Variants in RFX8 observed in about 807,000 individuals in gnomAD.
RFX8 encodes DNA-binding protein RFX8.
A neutral mutation model predicts 54.6 loss-of-function variants in RFX8; 46 were observed. The observed-to-expected ratio is 0.84, with a 90% CI of 0.67 to 1.08. RFX8 has a LOEUF of 1.08. RFX8 is among the 50% of genes least tolerant of loss of function. The pLI is 0.00. For synonymous variants in RFX8, 192 were observed against 209.5 expected (o/e 0.92, Z 0.72); for missense variants, 536 against 562.3 (o/e 0.95, Z 0.47).
chr2:101,437,059 C>G (rs2310112), intron 2 of RFX8, among the ~76,000 whole-genome samples: 1 of 151,876 alleles, frequency 6.6e-6, no homozygotes, highest in East Asian at 1.9e-4. Context: ...GTCATGATGT[C>G]TTTTCCTGAA....
intron 2 of RFX8, among the ~76,000 whole-genome samples, chr2:101,431,926 G>T (rs1170471576): frequency 2.0e-5 from 3 of 152,132 alleles, no homozygotes; most frequent in Admixed American, 2.0e-4. Context: ...GTAGGGGCCT[G>T]TGTATAGCAG....
At chr2:101,457,120 C>A (rs560678811) in intron 2 of RFX8, among the ~76,000 whole-genome samples, 14 of 152,060 alleles carry the variant, frequency 9.2e-5, no homozygotes, top group African/African-American at 3.1e-4. Flanking sequence ...GTCTTGCTAG[C>A]GGTCTATCAA....
chr2:101,433,898 C>A (rs867983378), intron 2 of RFX8, among the ~76,000 whole-genome samples: 3 of 152,126 alleles, frequency 2.0e-5, no homozygotes, highest in Non-Finnish European at 4.4e-5. Context: ...ATATCTTTGA[C>A]TTGATGAATA....
intron 2 of RFX8, among the ~76,000 whole-genome samples, chr2:101,464,992 C>T (rs911946211): frequency 6.6e-6 from 1 of 152,160 alleles, no homozygotes; most frequent in African/African-American, 2.4e-5. Flanking sequence ...GCACTCAGCT[C>T]AGCCTTGGAT....
intron 2 of RFX8, among the ~76,000 whole-genome samples, chr2:101,448,856 C>T (rs753861730): frequency 7.9e-5 from 12 of 152,202 alleles, no homozygotes; most frequent in Non-Finnish European, 1.3e-4. Context: ...TTGTCCTTGG[C>T]TATTTGGACA....
intron 2 of RFX8, among the ~76,000 whole-genome samples, chr2:101,424,324 T>C (rs553187912): frequency 3.1e-4 from 47 of 152,292 alleles, no homozygotes; most frequent in African/African-American, 9.4e-4. Flanking sequence ...TGAGATATCA[T>C]CTCACACCAG....
intron 2 of RFX8, among the ~76,000 whole-genome samples, chr2:101,458,628 T>C (rs1227700726): frequency 6.6e-6 from 1 of 152,222 alleles, no homozygotes; most frequent in African/African-American, 2.4e-5. Flanking sequence ...CCTTTCTCTC[T>C]GTCTGCCCTT....
chr2:101,461,125 CG>C, intron 2 of RFX8, among the ~76,000 whole-genome samples: 1 of 151,352 alleles, frequency 6.6e-6, no homozygotes, highest in East Asian at 2.0e-4. Context: ...AAAAAATTGC[CG>C]GGCATGGTAG....
intron 2 of RFX8, among the ~76,000 whole-genome samples, chr2:101,431,631 ACT>A (rs1257624068): frequency 2.6e-5 from 4 of 152,090 alleles, no homozygotes; most frequent in Non-Finnish European, 5.9e-5. Flanking sequence ...GACAAGGAAA[ACT>A]CTCAACTTTA....
intron 2 of RFX8, among the ~76,000 whole-genome samples, chr2:101,463,476 G>A (rs1689399343): frequency 6.6e-6 from 1 of 152,176 alleles, no homozygotes; most frequent in Non-Finnish European, 1.5e-5. Flanking sequence ...CTCTGTGCAG[G>A]CTGAGAATGG....
intron 2 of RFX8, among the ~76,000 whole-genome samples, chr2:101,425,409 C>G (rs991776717): frequency 6.6e-6 from 1 of 152,174 alleles, no homozygotes; most frequent in African/African-American, 2.4e-5. Flanking sequence ...CCCTACTGAG[C>G]CTTCTGCATG....
intron 2 of RFX8, among the ~76,000 whole-genome samples, chr2:101,441,294 T>C (rs1482647156): frequency 1.3e-5 from 2 of 152,198 alleles, no homozygotes; most frequent in Non-Finnish European, 2.9e-5. Flanking sequence ...TAATCCTCAA[T>C]GTGGCAGTAT....
At chr2:101,427,978 C>A (rs534502845) in intron 2 of RFX8, among the ~76,000 whole-genome samples, 39 of 152,246 alleles carry the variant, frequency 2.6e-4, no homozygotes, top group African/African-American at 9.4e-4. Flanking sequence ...TCCCCCCCGC[C>A]CCCCGCAGGG....
chr2:101,470,303 G>T (rs61426431), intron 1 of RFX8, among the ~76,000 whole-genome samples: 16,768 of 152,168 alleles, frequency 0.11, 1,159 homozygotes, highest in East Asian at 0.19. Flanking sequence ...AATCTGGAAT[G>T]GAAGCAAGAA....
At chr2:101,410,142 C>T (rs1013004798) in intron 9 of RFX8, among the ~76,000 whole-genome samples, 6 of 152,036 alleles carry the variant, frequency 3.9e-5, no homozygotes, top group South Asian at 2.1e-4. Context: ...CACCTGCAGA[C>T]GCAGTCACCC....
chr2:101,470,749 T>C (rs1393681415), intron 1 of RFX8, among the ~76,000 whole-genome samples: 1 of 133,222 alleles, frequency 7.5e-6, no homozygotes, highest in East Asian at 2.4e-4. Context: ...AGATGGAGTC[T>C]CACTCTGTCA....
intron 7 of RFX8, among the ~76,000 whole-genome samples, chr2:101,413,923 G>T (rs1258649048): frequency 1.3e-5 from 2 of 152,178 alleles, no homozygotes; most frequent in Non-Finnish European, 2.9e-5. Flanking sequence ...GGAAGCCACA[G>T]TTGGGATCCT....
At chr2:101,448,857 T>C (rs1272623082) in intron 2 of RFX8, among the ~76,000 whole-genome samples, 3 of 152,368 alleles carry the variant, frequency 2.0e-5, no homozygotes, top group Non-Finnish European at 2.9e-5. Flanking sequence ...TGTCCTTGGC[T>C]ATTTGGACAT....
intron 2 of RFX8, chr2:101,429,110 G>A: frequency 1.3e-6 from 1 of 748,224 alleles, no homozygotes; most frequent in Non-Finnish European, 2.3e-6. Flanking sequence ...AAGGTTATTT[G>A]TTTAGGGGTA....
Sources: allele counts gnomAD v4.1 joint callset (sites outside exome capture counted in the v4.1 genomes callset), GRCh38; gene constraint gnomAD v4.1.1; transcripts MANE v1.5; gene names NCBI Gene and HGNC (gene_info 2026-07-23, HGNC 2026-07-21).